PLXNA4: variants seen among roughly 807,000 people sequenced by gnomAD.
The protein encoded by PLXNA4 is plexin-A4.
PLXNA4 carries 44 observed loss-of-function variants against 191.8 expected under a neutral mutation model. The ratio of observed to expected loss-of-function variants is 0.23; its 90% CI spans 0.18 to 0.29. The LOEUF is 0.29. Ranked by LOEUF, PLXNA4 falls within the 10% of genes least tolerant of loss-of-function variation. PLXNA4 has a pLI of 1.00. For synonymous variants in PLXNA4, 1,082 were observed against 1,009.5 expected (o/e 1.07, Z -1.36); for missense variants, 1,800 against 2,488.8 (o/e 0.72, Z 5.89).
At chr7:132,195,224 A>G (rs138803513) in intron 13 of PLXNA4, among the ~76,000 whole-genome samples, 59 of 152,312 alleles carry the variant, frequency 3.9e-4, no homozygotes, top group Non-Finnish European at 8.8e-5. Context: ...CCACTGCTAT[A>G]AACACTTCTG....
intron 3 of PLXNA4, among the ~76,000 whole-genome samples, chr7:132,378,847 C>T (rs955883317): frequency 1.8e-4 from 22 of 119,026 alleles, no homozygotes; most frequent in East Asian, 1.7e-3. Context: ...GGCACTGGAT[C>T]TTTTTTTTTT....
chr7:132,144,515 C>G (rs565924941), intron 29 of PLXNA4, among the ~76,000 whole-genome samples: 1 of 152,212 alleles, frequency 6.6e-6, no homozygotes, highest in Non-Finnish European at 1.5e-5. Context: ...CCACACAGAG[C>G]TTGGAAAAGA....
intron 2 of PLXNA4, among the ~76,000 whole-genome samples, chr7:132,590,271 T>G (rs1802582775): frequency 6.6e-6 from 1 of 152,180 alleles, no homozygotes; most frequent in Non-Finnish European, 1.5e-5. Context: ...AAATAGAGAC[T>G]AAGTCAGTTA....
chr7:132,226,018 T>C, intron 8 of PLXNA4, 143 bp downstream of exon 8: 1 of 681,912 alleles, frequency 1.5e-6, no homozygotes, highest in Non-Finnish European at 2.5e-6. Flanking sequence ...TGACTCCCTG[T>C]GGGTACCAGA....
At chr7:132,479,956 C>A (rs1214789206) in intron 3 of PLXNA4, among the ~76,000 whole-genome samples, 1 of 152,180 alleles carries the variant, frequency 6.6e-6, no homozygotes, top group Non-Finnish European at 1.5e-5. Flanking sequence ...CTGCGCCTGG[C>A]CTCTTTGCAT....
At position 132,232,996 on chromosome 7, in the gene PLXNA4, T is replaced by A. The variant is rs191678947; in HGVS notation, c.1605-4527A>T. On this transcript the variant is annotated intron_variant, in intron 5 of 31. Coordinates refer to ENST00000321063, the MANE Select transcript of PLXNA4 (RefSeq NM_020911.2). ...GGCTTAGGCATCAGAACTTGCTCCCTACTTCTCCCTGCAGATGATCCCCAA... is the reference window on the plus strand; with the variant it reads ...GGCTTAGGCATCAGAACTTGCTCCCAACTTCTCCCTGCAGATGATCCCCAA... 6.6e-4 allele frequency among the ~76,000 whole-genome samples: 101 copies of A among 152,314 alleles called. No homozygotes were observed. The East Asian group carries it at 0.015, about 22-fold the overall frequency.
chr7:132,433,250 C>A (rs1472618322), intron 3 of PLXNA4, among the ~76,000 whole-genome samples: 3 of 152,170 alleles, frequency 2.0e-5, no homozygotes, highest in African/African-American at 7.2e-5. Context: ...GTGATGTTAC[C>A]TTTTCCTACA....
intron 3 of PLXNA4, among the ~76,000 whole-genome samples, chr7:132,305,232 A>G (rs977042386): frequency 6.6e-6 from 1 of 152,136 alleles, no homozygotes; most frequent in Non-Finnish European, 1.5e-5. Flanking sequence ...ATGCATTTCA[A>G]TATTAACGAC....
chr7:132,556,551 G>T (rs1037239193), intron 1 of PLXNA4, among the ~76,000 whole-genome samples: 5 of 152,356 alleles, frequency 3.3e-5, no homozygotes, highest in Admixed American at 1.3e-4. Flanking sequence ...TGCCCATTGG[G>T]CATGGCCAAG....
chr7:132,215,743 T>C (rs1010636699), intron 9 of PLXNA4, among the ~76,000 whole-genome samples: 2 of 152,154 alleles, frequency 1.3e-5, no homozygotes, highest in Non-Finnish European at 2.9e-5. Flanking sequence ...ACACCCTAAG[T>C]GAAGGGGTTG....
At chr7:132,143,917 C>A (rs560707674) in intron 29 of PLXNA4, among the ~76,000 whole-genome samples, 45 of 152,292 alleles carry the variant, frequency 3.0e-4, no homozygotes, top group Middle Eastern at 3.4e-3. Flanking sequence ...TTGGTTCCTA[C>A]CTGGTTTTTC....
intron 2 of PLXNA4, among the ~76,000 whole-genome samples, chr7:132,586,381 A>G (rs1172476896): frequency 6.6e-6 from 1 of 152,204 alleles, no homozygotes; most frequent in Admixed American, 6.5e-5. Context: ...GTTGACGGGC[A>G]TTTTGGTGTT....
chr7:132,530,102 G>T (rs1353559382), intron 1 of PLXNA4, among the ~76,000 whole-genome samples: 2 of 152,068 alleles, frequency 1.3e-5, no homozygotes, highest in Non-Finnish European at 2.9e-5. Flanking sequence ...CAACTCCAGG[G>T]TATTTAGATC....
rs992882883 is a variant in PLXNA4, at chr7:132,226,371, G to T, written c.1883-111C>A. On this transcript the variant is annotated intron_variant, in intron 7 of 31. Coordinates refer to ENST00000321063, the MANE Select transcript of PLXNA4 (RefSeq NM_020911.2). The stretch of plus-strand genomic sequence containing the variant: ...GAGCCTGCTCCCCAGGCGGCTGTTG[G>T]CTTAACAGGGCTCTGACTCAGCAGA... The T allele has an allele frequency of 8.4e-6, 7 of 834,516 alleles. No homozygotes were observed. The African/African-American group carries it at 1.2e-4, about 14-fold the overall frequency. The allele number at this position is 834,516 out of a possible 1,614,324, so 51.7% of individuals were successfully genotyped here. A position where few individuals can be genotyped will look rare whatever the true frequency, so the allele number is the denominator to read the frequency against.
chr7:132,514,014 A>G (rs1798840653), intron 1 of PLXNA4, among the ~76,000 whole-genome samples: 1 of 150,412 alleles, frequency 6.6e-6, no homozygotes, highest in African/African-American at 2.5e-5. Flanking sequence ...AAGGGAAAAT[A>G]CTAGTATGTC....
chr7:132,384,511 G>A, intron 3 of PLXNA4: 1 of 986,564 alleles, frequency 1.0e-6, no homozygotes, highest in Non-Finnish European at 1.2e-6. Flanking sequence ...ATAGTCTTAA[G>A]GAAAGGAGAC....
intron 10 of PLXNA4, among the ~76,000 whole-genome samples, chr7:132,204,229 G>A (rs28533059): frequency 1.3e-5 from 2 of 152,296 alleles, no homozygotes; most frequent in Admixed American, 6.5e-5. Context: ...GAAGAGGGAG[G>A]TGCTGGCTTG....
intron 3 of PLXNA4, among the ~76,000 whole-genome samples, chr7:132,366,748 A>C (rs1804202999): frequency 1.3e-5 from 2 of 152,150 alleles, no homozygotes; most frequent in Non-Finnish European, 2.9e-5. Flanking sequence ...TGAGAGCTTT[A>C]ATCTTTTTTA....
chr7:132,572,825 T>G (rs1186301598), intron 1 of PLXNA4, among the ~76,000 whole-genome samples: 4 of 152,166 alleles, frequency 2.6e-5, no homozygotes, highest in Non-Finnish European at 5.9e-5. Context: ...GACAGTGTCC[T>G]GTCCACAGGG....
Sources: gnomAD v4.1 joint callset for allele counts (sites outside exome capture counted in the v4.1 genomes callset) on GRCh38, gnomAD v4.1.1 for gene constraint, MANE v1.5 for transcripts, NCBI Gene and HGNC (gene_info 2026-07-23, HGNC 2026-07-21) for gene names.